The following TBC1D32 variants were observed in gnomAD, a reference collection of about 807,000 sequenced individuals.
TBC1D32 encodes the protein protein broad-minded.
A neutral mutation model predicts 170.3 loss-of-function variants in TBC1D32; 151 were observed. The ratio of observed to expected loss-of-function variants is 0.89; its 90% confidence interval spans 0.78 to 1.01. The LOEUF is 1.01. Among genes scored for constraint, TBC1D32 ranks in the 50% least tolerant of loss-of-function variants. The pLI is 0.00. For missense variants in TBC1D32, 1,464 were observed against 1,457.1 expected (o/e 1.00, Z -0.08); for synonymous variants, 498 against 488.0 (o/e 1.02, Z -0.27).
chr6:121,311,515 G>A (rs1490419858), intron 3 of TBC1D32, among the ~76,000 whole-genome samples: 1 of 152,088 alleles, frequency 6.6e-6, no homozygotes, highest in Non-Finnish European at 1.5e-5. Context: ...GGATCACGAG[G>A]TCAAGAGATC....
Position 121,155,507 on chromosome 6 carries a change from T to C in TBC1D32, c.2773+4503A>G, listed in dbSNP as rs569663352. 2.6e-4 allele frequency among the ~76,000 whole-genome samples: 40 copies of C among 152,274 alleles called. 1 individual carries two copies. The highest frequency in any genetic ancestry group is 2.5e-3 in the South Asian group (12 of 4,832). On this transcript the variant is annotated intron_variant, in intron 24 of 31. Coordinates refer to ENST00000398212, the MANE Select transcript of TBC1D32 (RefSeq NM_152730.6). ...CTTTTTCTTTCTTTCTCTTGCCTAA[T>C]TGTTCTAGCAAGCACTTTCAGTACT...
intron 27 of TBC1D32, 121 bp from the exon 28 acceptor site, chr6:121,113,298 T>C: frequency 1.8e-6 from 1 of 561,884 alleles, no homozygotes; most frequent in Non-Finnish European, 3.1e-6. Context: ...TCTCAATACA[T>C]GTTTCTGATG....
intron 21 of TBC1D32, among the ~76,000 whole-genome samples, chr6:121,209,582 T>C (rs922443983): frequency 6.6e-6 from 1 of 152,198 alleles, no homozygotes; most frequent in African/African-American, 2.4e-5. Flanking sequence ...GTGGTATTTG[T>C]CCTTCCTGTG....
chr6:121,191,874 C>T (rs1475008367), intron 22 of TBC1D32, among the ~76,000 whole-genome samples: 5 of 151,954 alleles, frequency 3.3e-5, no homozygotes, highest in South Asian at 2.1e-4. Context: ...GGCAGAAAAA[C>T]GTGAAAAGGC....
chr6:121,264,780 T>A (rs530540834), intron 15 of TBC1D32, among the ~76,000 whole-genome samples: 1 of 152,150 alleles, frequency 6.6e-6, no homozygotes, highest in African/African-American at 2.4e-5. Flanking sequence ...TCAATAAACA[T>A]AATTCATCAC....
chr6:121,115,919 G>A (rs1779637476), intron 26 of TBC1D32, among the ~76,000 whole-genome samples: 1 of 152,178 alleles, frequency 6.6e-6, no homozygotes, highest in Admixed American at 6.5e-5. Context: ...AGGACTGCAG[G>A]TGAGGCTGAA....
At chr6:121,267,967 C>A (rs898957030) in intron 15 of TBC1D32, among the ~76,000 whole-genome samples, 2 of 152,158 alleles carry the variant, frequency 1.3e-5, no homozygotes, top group African/African-American at 4.8e-5. Context: ...TGTTCTGCAG[C>A]CTCCACTGGT....
At chr6:121,223,880 A>G (rs894539568) in intron 20 of TBC1D32, among the ~76,000 whole-genome samples, 11 of 152,278 alleles carry the variant, frequency 7.2e-5, no homozygotes, top group Middle Eastern at 3.4e-3. Context: ...GTGCAATTTT[A>G]CCAATCTCTC....
At chr6:121,175,912 A>G (rs1485409269) in intron 22 of TBC1D32, among the ~76,000 whole-genome samples, 1 of 152,238 alleles carries the variant, frequency 6.6e-6, no homozygotes, top group Non-Finnish European at 1.5e-5. Flanking sequence ...AGAAGACAAT[A>G]AAACTGTTTG....
intron 24 of TBC1D32, among the ~76,000 whole-genome samples, chr6:121,132,118 T>C (rs1278846735): frequency 1.3e-5 from 2 of 151,992 alleles, no homozygotes; most frequent in African/African-American, 2.4e-5. Flanking sequence ...TCATTCCTCA[T>C]GTACTTTCAG....
At chr6:121,191,160 C>T (rs925329709) in intron 22 of TBC1D32, among the ~76,000 whole-genome samples, 1 of 151,972 alleles carries the variant, frequency 6.6e-6, no homozygotes, top group Non-Finnish European at 1.5e-5. Flanking sequence ...TGGATATATA[C>T]ACATATCTGC....
chr6:121,271,682 T>C (rs1451992728), intron 15 of TBC1D32, among the ~76,000 whole-genome samples: 2 of 152,130 alleles, frequency 1.3e-5, no homozygotes, highest in Admixed American at 1.3e-4. Flanking sequence ...AAAATGGCCA[T>C]ACTGCCCAAG....
chr6:121,113,805 G>C (rs1779431447), intron 27 of TBC1D32, among the ~76,000 whole-genome samples: 2 of 152,250 alleles, frequency 1.3e-5, no homozygotes, highest in African/African-American at 4.8e-5. Context: ...ATCAAGCAAA[G>C]GTAGTGCTTT....
At chr6:121,290,633 A>C (rs1804685213) in intron 12 of TBC1D32, among the ~76,000 whole-genome samples, 1 of 152,358 alleles carries the variant, frequency 6.6e-6, no homozygotes, top group East Asian at 1.9e-4. Context: ...CATTTGACCC[A>C]GCAGTCCCAT....
At chr6:121,272,113 G>A (rs1801530195) in intron 15 of TBC1D32, among the ~76,000 whole-genome samples, 1 of 152,002 alleles carries the variant, frequency 6.6e-6, no homozygotes, top group Non-Finnish European at 1.5e-5. Context: ...AATTCAAGAT[G>A]GATTAAAGAC....
At chr6:121,330,951 T>A (rs192378629) in intron 1 of TBC1D32, among the ~76,000 whole-genome samples, 52 of 152,262 alleles carry the variant, frequency 3.4e-4, no homozygotes, top group Middle Eastern at 3.4e-3. Flanking sequence ...TTGGATCTTT[T>A]AGAGAGTGTA....
At chr6:121,133,709 A>G (rs978879584) in intron 24 of TBC1D32, among the ~76,000 whole-genome samples, 1 of 152,092 alleles carries the variant, frequency 6.6e-6, no homozygotes, top group Non-Finnish European at 1.5e-5. Flanking sequence ...AGATACATAC[A>G]CCAAACACAT....
chr6:121,235,327 T>C (rs1025852264), intron 20 of TBC1D32, among the ~76,000 whole-genome samples: 1 of 152,020 alleles, frequency 6.6e-6, no homozygotes, highest in Non-Finnish European at 1.5e-5. Context: ...ATTATGACCT[T>C]TGTCTTCAGC....
chr6:121,206,492 T>TA (rs986232903), intron 21 of TBC1D32, among the ~76,000 whole-genome samples: 11 of 151,990 alleles, frequency 7.2e-5, no homozygotes, highest in African/African-American at 4.8e-5. Context: ...TTCATCAAAT[T>TA]AAAAAAAGAG....
Sources: gnomAD v4.1 joint callset for allele counts (sites outside exome capture counted in the v4.1 genomes callset) on GRCh38, gnomAD v4.1.1 for gene constraint, MANE v1.5 for transcripts, NCBI Gene and HGNC (gene_info 2026-07-23, HGNC 2026-07-21) for gene names.